MAD1L1: variants seen among roughly 807,000 people sequenced by gnomAD.
MAD1L1 encodes the protein mitotic arrest deficient 1 like 1.
In MAD1L1, 95 loss-of-function variants were observed where a neutral mutation model predicts 96.9. The ratio of observed to expected loss-of-function variants is 0.98; its 90% CI spans 0.83 to 1.16. The LOEUF (loss-of-function observed/expected upper bound fraction) is 1.16. MAD1L1 is among the 50% of genes most tolerant of loss of function. The pLI is 0.00. For missense variants in MAD1L1, 1,007 were observed against 954.4 expected (o/e 1.06, Z -0.73); for synonymous variants, 473 against 396.6 (o/e 1.19, Z -2.29).
intron 17 of MAD1L1, among the ~76,000 whole-genome samples, chr7:1,916,696 G>A (rs912569988): frequency 9.9e-5 from 15 of 152,078 alleles, no homozygotes; most frequent in Non-Finnish European, 1.9e-4. Flanking sequence ...TCGTGTCCAT[G>A]CCCTGTGCTG....
Position 1,864,640 on chromosome 7 carries a change from G to A in MAD1L1, c.1998+33560C>T, listed in dbSNP as rs192757770. 1.1e-4 allele frequency among the ~76,000 whole-genome samples: 16 copies of A among 152,336 alleles called. No homozygotes were observed. In the East Asian group the frequency reaches 2.9e-3, roughly 28 times the overall value. On this transcript the variant is annotated intron_variant, in intron 18 of 18. Transcript: ENST00000265854. ...CCCCATGCGGGGCTGTGGCCTGGAC[G>A]TCTGTCTCCCGACCTCACGTGGACC...
chr7:1,889,630 G>A (rs1350205181), intron 18 of MAD1L1, among the ~76,000 whole-genome samples: 2 of 152,226 alleles, frequency 1.3e-5, no homozygotes, highest in African/African-American at 4.8e-5. Context: ...AACAGGCTCA[G>A]CCATGCGGCC....
At chr7:2,225,040 C>A (rs1388224970) in intron 4 of MAD1L1, among the ~76,000 whole-genome samples, 1 of 152,220 alleles carries the variant, frequency 6.6e-6, no homozygotes, top group African/African-American at 2.4e-5. Flanking sequence ...TGTGCCAGCA[C>A]CGCAGCCTCA....
chr7:1,915,031 G>A (rs1289385818), intron 17 of MAD1L1, among the ~76,000 whole-genome samples: 1 of 152,142 alleles, frequency 6.6e-6, no homozygotes, highest in Non-Finnish European at 1.5e-5. Flanking sequence ...CTCCCTGCTG[G>A]GCCACAGAGC....
At position 2,219,505 on chromosome 7, in the gene MAD1L1, G is replaced by A. The variant is rs781023573; in HGVS notation, c.472-49C>T. On this transcript the variant is annotated intron_variant, in intron 5 of 18. Coordinates refer to ENST00000265854, the MANE Select transcript of MAD1L1 (RefSeq NM_001013836.2). ...GCCGCTCAGTGAGTGGAGCCCGTGC[G>A]TGGAAGGAGCCTGCACATGGAGATG... The A allele has an allele frequency of 4.7e-5, 75 of 1,594,816 alleles. No individual in the cohort carries two copies. The Admixed American group carries it at 9.8e-4, about 21-fold the overall frequency.
chr7:1,863,246 C>T (rs546140751), intron 18 of MAD1L1, among the ~76,000 whole-genome samples: 18 of 152,378 alleles, frequency 1.2e-4, no homozygotes, highest in African/African-American at 4.1e-4. Context: ...GGGTGAATGC[C>T]GGGTGCGGCT....
At chr7:1,855,360 T>C (rs1435345844) in intron 18 of MAD1L1, among the ~76,000 whole-genome samples, 1 of 152,012 alleles carries the variant, frequency 6.6e-6, no homozygotes, top group African/African-American at 2.4e-5. Flanking sequence ...AAGCTGAGCA[T>C]TCCCCAGGTG....
intron 15 of MAD1L1, among the ~76,000 whole-genome samples, chr7:1,976,871 C>T (rs1305033811): frequency 6.6e-6 from 1 of 152,192 alleles, no homozygotes; most frequent in Non-Finnish European, 1.5e-5. Flanking sequence ...ATTTACAATC[C>T]TTTAGCTAGA....
chr7:2,168,281 TAAAAAAAGAA>T (rs143361720), intron 10 of MAD1L1, among the ~76,000 whole-genome samples: 3,966 of 149,248 alleles, frequency 0.027, 89 homozygotes, highest in South Asian at 0.068. Flanking sequence ...CGAGACTGTC[TAAAAAAAGAA>T]AAAAAAAGAA....
rs1107591 is a variant in MAD1L1, at chr7:2,002,003, G to T, written c.1416+62C>A. The T allele has an allele frequency of 5.8e-6, 9 of 1,564,076 alleles. No homozygotes were observed. The African/African-American group carries it at 8.1e-5, about 14-fold the overall frequency. On this transcript the variant is annotated intron_variant, in intron 14 of 18. Transcript: ENST00000265854. ...AGCCTAAAGGCTTATGGGGACAGGC[G>T]TCCCTGCCCAGACCCAGGGTCCAGG... is the stretch of plus-strand genomic sequence containing the variant.
chr7:2,219,493 T>C, intron 5 of MAD1L1, 37 bp from the exon 6 acceptor site: 1 of 1,602,510 alleles, frequency 6.2e-7, no homozygotes, highest in Non-Finnish European at 8.5e-7. Flanking sequence ...GCTCAGTGAG[T>C]GGAGCCCGTG....
In MAD1L1 at chr7:1,928,112, T is replaced by C. The variant is rs868243742; in HGVS notation, c.1807+8575A>G. On this transcript the variant is annotated intron_variant, in intron 17 of 18. Coordinates refer to ENST00000265854, the MANE Select transcript of MAD1L1 (RefSeq NM_001013836.2). ...CCCACGACGGAACACCTGCCACACC[T>C]GCTGCTGCTCCCCACGACCCGCCGG... Among the ~76,000 whole-genome samples the C allele has an allele frequency of 6.3e-4, 96 of 151,284 alleles. No homozygotes were observed. The Middle Eastern group carries it at 0.01, about 16-fold the overall frequency.
intron 17 of MAD1L1, among the ~76,000 whole-genome samples, chr7:1,903,653 G>T (rs534200933): frequency 1.4e-5 from 2 of 146,328 alleles, no homozygotes; most frequent in African/African-American, 5.4e-5. Flanking sequence ...GTTCCAGGCA[G>T]TGAGGACGCA....
chr7:2,073,697 C>T (rs1295459171), intron 11 of MAD1L1, among the ~76,000 whole-genome samples: 1 of 152,226 alleles, frequency 6.6e-6, no homozygotes, highest in African/African-American at 2.4e-5. Flanking sequence ...TGTTCTGCAG[C>T]ACCCCAGAGG....
chr7:2,199,235 A>G (rs1792154897), intron 10 of MAD1L1, among the ~76,000 whole-genome samples: 1 of 152,230 alleles, frequency 6.6e-6, no homozygotes, highest in African/African-American at 2.4e-5. Flanking sequence ...TTCCAGATAC[A>G]TTTTCTAGGC....
At chr7:2,223,579 CA>C (rs2115013423) in intron 4 of MAD1L1, 1 of 152,394 alleles carries the variant, frequency 6.6e-6, no homozygotes, top group African/African-American at 2.4e-5. Flanking sequence ...TACTCCAGCC[CA>C]AAACCCAGGA....
rs1786934385 is a variant in MAD1L1 at position 2,103,647 on chromosome 7, C to T, written c.1074-34309G>A. On this transcript the variant is annotated intron_variant, in intron 11 of 18. Coordinates refer to ENST00000265854, the MANE Select transcript of MAD1L1 (RefSeq NM_001013836.2). This position sits in a 1 kb window ranked among gnomAD's most constrained non-coding sequence, Gnocchi z 4.3. ...GGGCAGCACAGCCAGAACACTGAGACTCGATCCCACAGGGGAGAAGGAGGG... is the reference window on the plus strand; with the variant it reads ...GGGCAGCACAGCCAGAACACTGAGATTCGATCCCACAGGGGAGAAGGAGGG... Among the ~76,000 whole-genome samples, 1 of 152,184 alleles carries T rather than the reference C, an allele frequency of 6.6e-6. No individual in the cohort carries two copies. Among genetic ancestry groups the T allele is most frequent in the South Asian group, 2.1e-4 (1 of 4,826 alleles).
intron 18 of MAD1L1, among the ~76,000 whole-genome samples, chr7:1,852,424 T>C (rs1784026063): frequency 1.3e-5 from 2 of 152,250 alleles, no homozygotes; most frequent in East Asian, 3.9e-4. Flanking sequence ...TCCCCCTCAA[T>C]GGACCTTGCA....
intron 10 of MAD1L1, among the ~76,000 whole-genome samples, chr7:2,153,970 A>G (rs1789703253): frequency 1.3e-5 from 2 of 152,328 alleles, no homozygotes; most frequent in South Asian, 4.1e-4. Context: ...AGCCCGGCCA[A>G]CATGGTGAAA....
Sources: allele counts gnomAD v4.1 joint callset (sites outside exome capture counted in the v4.1 genomes callset), GRCh38; gene constraint gnomAD v4.1.1; non-coding constraint Gnocchi (gnomAD v3.1); transcripts MANE v1.5; gene names NCBI Gene and HGNC (gene_info 2026-07-23, HGNC 2026-07-21).